Variants in CFAP299 observed in about 807,000 individuals in gnomAD.
CFAP299 encodes the protein cilia and flagella associated protein 299.
Under a neutral mutation model 27.0 loss-of-function variants are expected in CFAP299, and 21 were observed. That is an observed-to-expected ratio of 0.78 (90% CI 0.55 to 1.12). The LOEUF (loss-of-function observed/expected upper bound fraction) is 1.12. CFAP299 is among the 50% of genes most tolerant of loss of function. CFAP299 has a pLI of 0.00. For synonymous variants in CFAP299, 104 were observed against 98.1 expected (o/e 1.06, Z -0.36); for missense variants, 310 against 276.6 (o/e 1.12, Z -0.86).
At chr4:80,693,356 A>C (rs532878216) in intron 3 of CFAP299, among the ~76,000 whole-genome samples, 2 of 152,142 alleles carry the variant, frequency 1.3e-5, no homozygotes, top group Non-Finnish European at 2.9e-5. Context: ...ACCATGGAAT[A>C]CTATGCAGCC....
intron 2 of CFAP299, among the ~76,000 whole-genome samples, chr4:80,507,952 CTT>C (rs1277956997): frequency 6.6e-6 from 1 of 152,144 alleles, no homozygotes; most frequent in Non-Finnish European, 1.5e-5. Flanking sequence ...CCCAAAATAA[CTT>C]TAATTATACT....
intron 3 of CFAP299, among the ~76,000 whole-genome samples, chr4:80,619,767 C>T (rs1738479057): frequency 6.6e-6 from 1 of 151,944 alleles, no homozygotes; most frequent in Admixed American, 6.6e-5. Context: ...TATGCTTTCA[C>T]ACATATATTT....
At chr4:80,527,035 C>T (rs1733223121) in intron 2 of CFAP299, among the ~76,000 whole-genome samples, 1 of 151,780 alleles carries the variant, frequency 6.6e-6, no homozygotes, top group Non-Finnish European at 1.5e-5. Flanking sequence ...TTATCTAATA[C>T]CTAGGGAAGC....
At chr4:80,867,114 A>G (rs1383934182) in intron 3 of CFAP299, among the ~76,000 whole-genome samples, 1 of 152,160 alleles carries the variant, frequency 6.6e-6, no homozygotes. Context: ...AGTTCTATCA[A>G]TTTGTGCTTT....
rs533157109 is a variant in CFAP299 at position 80,503,930 on chromosome 4, T to G, written c.243-79163T>G. 4.3e-4 allele frequency among the ~76,000 whole-genome samples: 66 copies of G among 152,184 alleles called. 1 individual carries two copies. Among genetic ancestry groups the G allele is most frequent in the Non-Finnish European group, 4.7e-4 (32 of 68,030 alleles). Reference sequence around the variant, plus strand: ...TATCCAGCATGTAATTTATTGAGCATCTATTCTGTGCCAGACACAATTGTA... The same window carrying G: ...TATCCAGCATGTAATTTATTGAGCAGCTATTCTGTGCCAGACACAATTGTA... On this transcript the variant is annotated intron_variant, in intron 2 of 5. Coordinates refer to ENST00000358105, the MANE Select transcript of CFAP299 (RefSeq NM_152770.3).
intron 2 of CFAP299, among the ~76,000 whole-genome samples, chr4:80,524,420 C>T (rs942656671): frequency 1.3e-5 from 2 of 151,740 alleles, no homozygotes; most frequent in African/African-American, 2.4e-5. Flanking sequence ...GGATGTTTAG[C>T]AGAATCCTTG....
intron 3 of CFAP299, among the ~76,000 whole-genome samples, chr4:80,764,538 A>T (rs2110079864): frequency 6.6e-6 from 1 of 152,326 alleles, no homozygotes; most frequent in Non-Finnish European, 1.5e-5. Context: ...CAGTATGGTG[A>T]TTCCTCAAGG....
At chr4:80,673,267 A>G (rs566180178) in intron 3 of CFAP299, among the ~76,000 whole-genome samples, 2 of 152,268 alleles carry the variant, frequency 1.3e-5, no homozygotes, top group South Asian at 2.1e-4. Flanking sequence ...TTCGTTATTT[A>G]CCCAGTAGTC....
At chr4:80,452,015 T>A (rs529119799) in intron 2 of CFAP299, among the ~76,000 whole-genome samples, 2 of 152,160 alleles carry the variant, frequency 1.3e-5, no homozygotes, top group Non-Finnish European at 2.9e-5. Context: ...GAACAGTTGA[T>A]GGGAATGTAT....
chr4:80,360,254 G>A (rs964719002), intron 1 of CFAP299, among the ~76,000 whole-genome samples: 3 of 152,176 alleles, frequency 2.0e-5, no homozygotes, highest in East Asian at 3.9e-4. Flanking sequence ...AGGTGCTGAG[G>A]TGCCTGCCTC....
intron 1 of CFAP299, among the ~76,000 whole-genome samples, chr4:80,352,686 C>T (rs532535874): frequency 3.2e-4 from 49 of 151,880 alleles, no homozygotes; most frequent in African/African-American, 1.2e-3. Context: ...AGTCTCAATA[C>T]ATTTAAAATA....
intron 1 of CFAP299, among the ~76,000 whole-genome samples, chr4:80,353,774 A>G (rs375159659): frequency 4.6e-5 from 7 of 152,230 alleles, no homozygotes; most frequent in African/African-American, 1.7e-4. Context: ...ACAGAATAGA[A>G]ATAGAGAAAT....
At chr4:80,745,525 GT>G (rs1323077729) in intron 3 of CFAP299, among the ~76,000 whole-genome samples, 3 of 151,912 alleles carry the variant, frequency 2.0e-5, no homozygotes, top group Admixed American at 6.6e-5. Context: ...TTTCAGAGTA[GT>G]TTTTTTATAT....
At chr4:80,885,360 C>T (rs1118923) in intron 4 of CFAP299, among the ~76,000 whole-genome samples, 50,211 of 152,078 alleles carry the variant, frequency 0.33, 12,200 homozygotes, top group African/African-American at 0.68. Context: ...TGAACTACTG[C>T]GGAATGTGAC....
chr4:80,932,371 A>T (rs1004574805), intron 4 of CFAP299, among the ~76,000 whole-genome samples: 3 of 152,178 alleles, frequency 2.0e-5, no homozygotes. Flanking sequence ...GAGCCAAGTT[A>T]ACTGACTTAT....
At chr4:80,934,668 C>T (rs900144548) in intron 4 of CFAP299, among the ~76,000 whole-genome samples, 7 of 151,640 alleles carry the variant, frequency 4.6e-5, no homozygotes, top group African/African-American at 1.5e-4. Context: ...CTGGTTTATC[C>T]AATTTGTTGG....
chr4:80,736,877 T>A (rs1286375869), intron 3 of CFAP299, among the ~76,000 whole-genome samples: 1 of 152,114 alleles, frequency 6.6e-6, no homozygotes, highest in South Asian at 2.1e-4. Flanking sequence ...TGTTTATTGC[T>A]GCATTATTCA....
At chr4:80,799,856 A>AT (rs1728264578) in intron 3 of CFAP299, among the ~76,000 whole-genome samples, 1 of 27,266 alleles carries the variant, frequency 3.7e-5, no homozygotes, top group African/African-American at 2.5e-4. Context: ...ATAATATATA[A>AT]ATATATATTA....
chr4:80,433,226 T>C (rs1455252241), intron 2 of CFAP299, among the ~76,000 whole-genome samples: 3 of 152,208 alleles, frequency 2.0e-5, no homozygotes, highest in Non-Finnish European at 4.4e-5. Flanking sequence ...TGTTATATTC[T>C]GGAAACCATG....
Sources: gnomAD v4.1 joint callset for allele counts (sites outside exome capture counted in the v4.1 genomes callset) on GRCh38, gnomAD v4.1.1 for gene constraint, MANE v1.5 for transcripts, NCBI Gene and HGNC (gene_info 2026-07-23, HGNC 2026-07-21) for gene names.